LY75: variants seen among roughly 807,000 people sequenced by gnomAD.
The protein encoded by LY75 is lymphocyte antigen 75.
A neutral mutation model predicts 231.7 loss-of-function variants in LY75; 185 were observed. The observed-to-expected ratio is 0.80, with a 90% CI of 0.71 to 0.90. LY75 has a LOEUF of 0.90. Ranked by LOEUF, LY75 falls within the 40% of genes least tolerant of loss-of-function variation. The pLI, the probability that LY75 is intolerant of heterozygous loss-of-function variation, is 0.00. For synonymous variants in LY75, 668 were observed against 689.0 expected, an observed-to-expected ratio of 0.97 and a Z score of 0.48; for missense variants, 1,947 against 2,050.2, an observed-to-expected ratio of 0.95 and a Z score of 0.97.
At chr2:159,891,449 T>C (rs1685753661) in intron 3 of LY75, among the ~76,000 whole-genome samples, 1 of 152,152 alleles carries the variant, frequency 6.6e-6, no homozygotes, top group Non-Finnish European at 1.5e-5. Flanking sequence ...AGGTTCATTA[T>C]TACCACTGAG....
chr2:159,826,519 T>C lies in LY75; in HGVS notation c.3958+5151A>G, dbSNP rs571442993. Among the ~76,000 whole-genome samples, 4 of 152,202 alleles carry C rather than the reference T, an allele frequency of 2.6e-5. No homozygotes were observed. The South Asian group carries it at 8.3e-4, about 32-fold the overall frequency. On this transcript the variant is annotated intron_variant, in intron 28 of 34. Coordinates refer to ENST00000263636, the MANE Select transcript of LY75 (RefSeq NM_002349.4). ...ATAGGTAGAATCAATATCGTGAAAA[T>C]GGCCATACTGCCCAAAGTAATTTAT...
chr2:159,878,829 G>T, intron 9 of LY75, 108 bp from the exon 10 acceptor site: 1 of 1,199,818 alleles, frequency 8.3e-7, no homozygotes, highest in Non-Finnish European at 1.2e-6. Context: ...TGTGGAAATT[G>T]AGGACATGGC....
chr2:159,861,004 AC>A (rs1173204485), intron 14 of LY75, 115 bp from the exon 15 acceptor site: 15 of 1,028,502 alleles, frequency 1.5e-5, no homozygotes, highest in Non-Finnish European at 2.0e-5. Flanking sequence ...CAGAAAGAAA[AC>A]TTTTCCATCT....
intron 31 of LY75, 123 bp from the exon 32 acceptor site, chr2:159,810,798 C>T: frequency 7.1e-7 from 1 of 1,408,972 alleles, no homozygotes. Context: ...TAACTCATAC[C>T]AGAGAAAGCC....
intron 28 of LY75, among the ~76,000 whole-genome samples, chr2:159,827,074 A>T (rs1683494918): frequency 6.6e-6 from 1 of 152,248 alleles, no homozygotes. Context: ...CTAAAACACC[A>T]AAAGCAACGG....
intron 6 of LY75, among the ~76,000 whole-genome samples, chr2:159,882,887 C>T (rs1421621911): frequency 6.6e-6 from 1 of 152,050 alleles, no homozygotes; most frequent in African/African-American, 2.4e-5. Context: ...TTCTTTCCTC[C>T]CCTCTGCTAG....
chr2:159,816,944 T>A lies in LY75; in HGVS notation c.4242A>T (p.Thr1414=), dbSNP rs368467177. The A allele has an allele frequency of 2.0e-5, 33 of 1,614,102 alleles. No homozygotes were observed. The East Asian group carries it at 2.5e-4, about 12-fold the overall frequency. Residue 1414 remains threonine (T), a synonymous_variant, in exon 30 of 35, where the codon ACA becomes ACT. Coordinates refer to ENST00000263636, the MANE Select transcript of LY75 (RefSeq NM_002349.4). ...GIYSVIQKKV[T]WYEALNMCSQ... is the part of the protein sequence containing the mutation. Reference sequence around the variant, plus strand: ...AACACATGTTTAATGCTTCATACCATGTTACCTTTTTTTGAATAACACTGT... The same window carrying A: ...AACACATGTTTAATGCTTCATACCAAGTTACCTTTTTTTGAATAACACTGT...
At chr2:159,816,315 GTA>G (rs1683118380) in intron 30 of LY75, among the ~76,000 whole-genome samples, 1 of 152,160 alleles carries the variant, frequency 6.6e-6, no homozygotes, top group Non-Finnish European at 1.5e-5. Flanking sequence ...TGGGAAGAAG[GTA>G]TACGTTTATT....
At chr2:159,821,902 G>C (rs1336662363) in intron 28 of LY75, among the ~76,000 whole-genome samples, 5 of 152,204 alleles carry the variant, frequency 3.3e-5, no homozygotes, top group Admixed American at 6.5e-5. Context: ...CTGAAGCAGG[G>C]TGGGGCATTG....
chr2:159,876,220 G>T (rs1256678599), intron 11 of LY75, among the ~76,000 whole-genome samples: 1 of 152,242 alleles, frequency 6.6e-6, no homozygotes, highest in East Asian at 1.9e-4. Context: ...TGAATTATCA[G>T]TTCCATTTTG....
chr2:159,807,115 T>A lies in LY75; in HGVS notation c.4848A>T (p.Gly1616=). ...CCCATTTGACAAATGTCACTTCTGA[T>A]CCATCTAACCAACTCCAAGACTGGT... ...SVDQSWSWLD[G]SEVTFVKWEN... The change falls in exon 34 of 35, where the codon GGA becomes GGT. Residue 1616 remains glycine, a synonymous_variant. Transcript: ENST00000263636. 6.2e-7 allele frequency: 1 copy of A among 1,613,718 alleles called. No individual in the cohort carries two copies. Among genetic ancestry groups the A allele is most frequent in the Non-Finnish European group, 8.5e-7 (1 of 1,179,822 alleles).
intron 3 of LY75, among the ~76,000 whole-genome samples, chr2:159,892,887 A>G (rs774998504): frequency 6.6e-6 from 1 of 152,186 alleles, no homozygotes; most frequent in Non-Finnish European, 1.5e-5. Flanking sequence ...CAGTGTCACC[A>G]ATTTTGAGCC....
chr2:159,820,932 TG>T (rs1468659078), intron 28 of LY75, among the ~76,000 whole-genome samples: 1 of 152,110 alleles, frequency 6.6e-6, no homozygotes, highest in East Asian at 1.9e-4. Context: ...CTCCACCTCC[TG>T]GGTTCAAGCA....
At chr2:159,886,141 C>T (rs1382268166) in intron 5 of LY75, among the ~76,000 whole-genome samples, 1 of 152,234 alleles carries the variant, frequency 6.6e-6, no homozygotes, top group African/African-American at 2.4e-5. Context: ...CATAGAATGG[C>T]TCCTGGGCCA....
chr2:159,848,055 G>T (rs373656133), intron 23 of LY75, among the ~76,000 whole-genome samples: 1 of 116,498 alleles, frequency 8.6e-6, no homozygotes, highest in East Asian at 2.8e-4. Context: ...AATGGATAAA[G>T]AAATTATGGT....
chr2:159,855,003 C>A, intron 16 of LY75, 64 bp from the exon 17 acceptor site: 7 of 1,599,966 alleles, frequency 4.4e-6, no homozygotes, highest in Non-Finnish European at 5.1e-6. Context: ...ACTATAAGTA[C>A]GGCCTTTAAT....
chr2:159,850,572 G>T, intron 21 of LY75, 105 bp from the exon 22 acceptor site: 1 of 1,450,546 alleles, frequency 6.9e-7, no homozygotes, highest in Non-Finnish European at 9.3e-7. Context: ...TTCGGTCTGT[G>T]AGATATGGTA....
intron 1 of LY75, among the ~76,000 whole-genome samples, chr2:159,900,401 A>G (rs966730850): frequency 4.8e-4 from 73 of 152,382 alleles, no homozygotes; most frequent in African/African-American, 1.8e-3. Flanking sequence ...AATCATGTTG[A>G]TAAGAGTAAA....
At chr2:159,884,479 C>A (rs55690577) in intron 6 of LY75, among the ~76,000 whole-genome samples, 1,883 of 152,262 alleles carry the variant, frequency 0.012, 38 homozygotes, top group African/African-American at 0.038. Context: ...TCCCCAAACA[C>A]CCTGGAAAAA....
Sources: allele counts gnomAD v4.1 joint callset (sites outside exome capture counted in the v4.1 genomes callset), GRCh38; gene constraint gnomAD v4.1.1; transcripts MANE v1.5; gene names NCBI Gene and HGNC (gene_info 2026-07-23, HGNC 2026-07-21).